The following DEPDC1 variants were observed in gnomAD, a reference collection of about 807,000 sequenced individuals.
DEPDC1 encodes DEP domain-containing protein 1A.
A neutral mutation model predicts 86.8 loss-of-function variants in DEPDC1; 66 were observed. The observed-to-expected ratio is 0.76, with a 90% CI of 0.62 to 0.93. The LOEUF (loss-of-function observed/expected upper bound fraction) is 0.93, where lower values mean the gene tolerates loss of function less well. Ranked by LOEUF, DEPDC1 falls within the 40% of genes least tolerant of loss-of-function variation. The pLI, the probability that DEPDC1 is intolerant of heterozygous loss-of-function variation, is 0.00. For missense variants in DEPDC1, 792 were observed against 935.7 expected, an observed-to-expected ratio of 0.85 and a Z score of 2.00; for synonymous variants, 255 against 314.9, an observed-to-expected ratio of 0.81 and a Z score of 2.02.
intron 6 of DEPDC1, among the ~76,000 whole-genome samples, chr1:68,485,403 C>T (rs1238173914): frequency 6.6e-6 from 1 of 152,022 alleles, no homozygotes; most frequent in Admixed American, 6.6e-5. Flanking sequence ...TTGGCTTTCT[C>T]TGTTGGAAAA....
At chr1:68,485,548 A>G (rs1056063415) in intron 6 of DEPDC1, among the ~76,000 whole-genome samples, 2 of 152,070 alleles carry the variant, frequency 1.3e-5, no homozygotes, top group Admixed American at 6.6e-5. Flanking sequence ...AGTAAGTTAT[A>G]TAATTGGTAT....
At chr1:68,481,323 C>T in intron 9 of DEPDC1, 117 bp downstream of exon 9, 5 of 922,764 alleles carry the variant, frequency 5.4e-6, no homozygotes, top group Non-Finnish European at 8.0e-6. Flanking sequence ...GCCTTTCCAA[C>T]CTAAGAATCT....
At chr1:68,483,085 C>G (rs1469323670) in intron 7 of DEPDC1, 188 bp from the exon 8 acceptor site, 2 of 617,178 alleles carry the variant, frequency 3.2e-6, no homozygotes, top group African/African-American at 1.9e-5. Context: ...TACAAACGTG[C>G]AAGACAGATG....
chr1:68,495,873 G>A (rs1646261634), intron 1 of DEPDC1, among the ~76,000 whole-genome samples: 2 of 152,212 alleles, frequency 1.3e-5, no homozygotes, highest in African/African-American at 2.4e-5. Context: ...TAAGCATTCA[G>A]TGCATGTTTT....
Position 68,496,712 on chromosome 1 carries a change from G to T in DEPDC1, c.48+240C>A, listed in dbSNP as rs113827207. On this transcript the variant is annotated intron_variant, in intron 1 of 11. Coordinates refer to ENST00000456315, the MANE Select transcript of DEPDC1 (RefSeq NM_001114120.3). This position sits in a 1 kb window ranked among gnomAD's most constrained non-coding sequence, Gnocchi z 4.0. ...TCGCTCCTCATAGCGAGTCTGGTGCGGCCTACGCGCGGCGCTTCCTTTCGG... is the reference window on the plus strand; with the variant it reads ...TCGCTCCTCATAGCGAGTCTGGTGCTGCCTACGCGCGGCGCTTCCTTTCGG... The T allele has an allele frequency of 4.6e-6, 2 of 438,288 alleles. No homozygotes were observed. Among genetic ancestry groups the T allele is most frequent in the South Asian group, 8.7e-5 (2 of 22,988 alleles). The allele number at this position is 438,288 out of a possible 1,614,324, so 27.1% of individuals were successfully genotyped here.
chr1:68,478,864 G>C (rs1276353770), intron 10 of DEPDC1, among the ~76,000 whole-genome samples: 1 of 151,888 alleles, frequency 6.6e-6, no homozygotes, highest in African/African-American at 2.4e-5. Context: ...TTTTTCCTTT[G>C]AATTGCAAAT....
Position 68,479,307 on chromosome 1 carries a change from A to T in DEPDC1, c.1949T>A (p.Phe650Tyr). ...AGCACAGCATAACACACATCGAGAA[A>T]AGGTATGTATCATCTAGAAAAATAT... ...MGTRSLMIHT[F>Y]SRCVLCCAEE... The change falls in exon 10 of 12, where the codon TTT becomes TAT. Residue 650 changes from phenylalanine to tyrosine, a missense_variant. By Grantham distance (22) the Phe-to-Tyr change is conservative (BLOSUM62 3). Coordinates refer to ENST00000456315, the MANE Select transcript of DEPDC1 (RefSeq NM_001114120.3). The T allele has an allele frequency of 1.2e-6, 2 of 1,601,980 alleles. No homozygotes were observed. The highest frequency in any genetic ancestry group is 1.7e-6 in the Non-Finnish European group (2 of 1,175,416).
chr1:68,488,866 T>A (rs754172548), intron 4 of DEPDC1, 50 bp downstream of exon 4: 4 of 1,131,978 alleles, frequency 3.5e-6, no homozygotes, highest in Non-Finnish European at 5.3e-6. Flanking sequence ...AATGTCAAAT[T>A]AATAATCAGA....
rs1400462687 is a variant in DEPDC1, at chr1:68,497,019, G to A, written c.-20C>T. 6.2e-7 allele frequency: 1 copy of A among 1,610,550 alleles called. No homozygotes were observed. Among genetic ancestry groups the A allele is most frequent in the African/African-American group, 1.3e-5 (1 of 74,626 alleles). On this transcript the variant is annotated 5_prime_UTR_variant, in exon 1 of 12. Transcript: ENST00000456315. Reference sequence around the variant, plus strand: ...CTCCATAGGTCTGTCAGCGCCCGGTGGCGTCCATGGCGGCGAAGGCGACAC... The same window carrying A: ...CTCCATAGGTCTGTCAGCGCCCGGTAGCGTCCATGGCGGCGAAGGCGACAC...
At position 68,477,831 on chromosome 1, in the gene DEPDC1, T is replaced by C; in HGVS notation, c.2254A>G (p.Asn752Asp). 1 of 1,568,854 alleles carries C rather than the reference T, an allele frequency of 6.4e-7. No homozygotes were observed. The highest frequency in any genetic ancestry group is 8.6e-7 in the Non-Finnish European group (1 of 1,157,798). The change falls in exon 11 of 12, where the codon AAC becomes GAC. Residue 752 changes from asparagine to aspartate, a missense_variant. Asn to Asp is a conservative substitution (Grantham distance 23). Coordinates refer to ENST00000456315, the MANE Select transcript of DEPDC1 (RefSeq NM_001114120.3). ...TTCTCCTTTAGAGGTAAACTCCTGT[T>C]TTTAATAATATTTTCTAAAAGTTCT... ...IAELLENIIK[N>D]RSLPLKEKRK...
At chr1:68,493,794 C>T (rs1475928959) in intron 2 of DEPDC1, among the ~76,000 whole-genome samples, 1 of 152,190 alleles carries the variant, frequency 6.6e-6, no homozygotes, top group Non-Finnish European at 1.5e-5. Flanking sequence ...CAGCTCACTG[C>T]AACCTCCACC....
chr1:68,494,720 TA>T, intron 1 of DEPDC1, 25 bp from the exon 2 acceptor site: 1 of 1,574,302 alleles, frequency 6.4e-7, no homozygotes, highest in Non-Finnish European at 8.6e-7. Context: ...AAAATATTTT[TA>T]AAAAATTGAA....
intron 2 of DEPDC1, 115 bp from the exon 3 acceptor site, chr1:68,489,723 TAA>T: frequency 1.5e-6 from 1 of 678,494 alleles, no homozygotes; most frequent in Non-Finnish European, 2.3e-6. Context: ...TACCAAGTAA[TAA>T]AGATTCTAGA....
rs747923118 is a variant in DEPDC1 at position 68,488,501 on chromosome 1, C to CCATTTT, written c.593_594insAAAATG (p.Leu198_Gln199insLysTrp). The CCATTTT allele has an allele frequency of 6.2e-7, 1 of 1,600,870 alleles. No homozygotes were observed. The highest frequency in any genetic ancestry group is 1.1e-5 in the South Asian group (1 of 88,088). On this transcript the variant is annotated inframe_insertion, in exon 5 of 12. Transcript: ENST00000456315. ...GGGATGGCACACCTAAAATGGTTTG[C>CCATTTT]AGGCTAAATAGAAGAAAGAATATTA...
At chr1:68,487,822 A>AT (rs1164569505) in intron 5 of DEPDC1, among the ~76,000 whole-genome samples, 1 of 151,866 alleles carries the variant, frequency 6.6e-6, no homozygotes, top group Non-Finnish European at 1.5e-5. Context: ...AGCTTGAATT[A>AT]TTTCCCTGAT....
At chr1:68,494,731 A>T in intron 1 of DEPDC1, 36 bp from the exon 2 acceptor site, 1 of 1,538,422 alleles carries the variant, frequency 6.5e-7, no homozygotes, top group South Asian at 1.2e-5. Context: ...AAAAAATTGA[A>T]GAAAAATTAA....
At position 68,476,338 on chromosome 1, in the gene DEPDC1, CTG is replaced by C. The variant is rs1378694021; in HGVS notation, c.*592_*593del. ...ATATATATACTGAACAAATGAATGA[CTG>C]AAGCAATTGGGGATAATATTTAAGG... On this transcript the variant is annotated 3_prime_UTR_variant, in exon 12 of 12. Coordinates refer to ENST00000456315, the MANE Select transcript of DEPDC1 (RefSeq NM_001114120.3). The C allele has an allele frequency of 6.6e-6, 1 of 151,632 alleles. No individual in the cohort carries two copies. Among genetic ancestry groups the C allele is most frequent in the East Asian group, 1.9e-4 (1 of 5,184 alleles). The allele number at this position is 151,632 out of a possible 1,614,324, so 9.4% of individuals were successfully genotyped here. A position where few individuals can be genotyped will look rare whatever the true frequency, so the allele number is the denominator to read the frequency against.
chr1:68,490,818 A>C (rs930708283), intron 2 of DEPDC1, among the ~76,000 whole-genome samples: 1 of 152,172 alleles, frequency 6.6e-6, no homozygotes, highest in African/African-American at 2.4e-5. Context: ...ACAAAATGGT[A>C]CTGGTATAAA....
In DEPDC1 at chr1:68,483,202, C is replaced by T. The variant is rs1646169786; in HGVS notation, c.911-305G>A. 1.5e-5 allele frequency: 8 copies of T among 543,364 alleles called. No homozygotes were observed. In the Admixed American group the frequency reaches 1.7e-4, roughly 12 times the overall value. The allele number at this position is 543,364 out of a possible 1,614,324, so 33.7% of individuals were successfully genotyped here. ...AAAATCTGTTCTCAGTCTGCAAGTACTAGAAACCTCATAAATATAAGATAA... is the reference window on the plus strand; with the variant it reads ...AAAATCTGTTCTCAGTCTGCAAGTATTAGAAACCTCATAAATATAAGATAA... On this transcript the variant is annotated intron_variant, in intron 7 of 11. Transcript: ENST00000456315.
Sources: gnomAD v4.1 joint callset for allele counts (sites outside exome capture counted in the v4.1 genomes callset) on GRCh38, gnomAD v4.1.1 for gene constraint, Gnocchi (gnomAD v3.1) non-coding constraint, MANE v1.5 for transcripts, NCBI Gene and HGNC (gene_info 2026-07-23, HGNC 2026-07-21) for gene names.